Variants in MACROD2 observed in about 807,000 individuals in gnomAD.
MACROD2 encodes ADP-ribose glycohydrolase MACROD2.
MACROD2 carries 36 observed loss-of-function variants against 70.4 expected under a neutral mutation model. The observed-to-expected ratio is 0.51, with a 90% confidence interval of 0.39 to 0.68. MACROD2 has a LOEUF of 0.68. MACROD2 is among the 30% of genes least tolerant of loss of function. The pLI, the probability that MACROD2 is intolerant of heterozygous loss-of-function variation, is 0.00. For synonymous variants in MACROD2, 172 were observed against 178.8 expected, an observed-to-expected ratio of 0.96 and a Z score of 0.30; for missense variants, 496 against 538.4, an observed-to-expected ratio of 0.92 and a Z score of 0.78.
intron 4 of MACROD2, among the ~76,000 whole-genome samples, chr20:14,611,452 GTTTTTT>G (rs11473891): frequency 3.5e-5 from 4 of 113,392 alleles, no homozygotes; most frequent in Admixed American, 9.1e-5. Flanking sequence ...ATGCCCTGAG[GTTTTTT>G]TTTTTTTTTT....
chr20:15,847,795 A>G (rs993236052), intron 8 of MACROD2, among the ~76,000 whole-genome samples: 1 of 151,960 alleles, frequency 6.6e-6, no homozygotes, highest in African/African-American at 2.4e-5. Context: ...TTTAGTTGAC[A>G]TTTCTATGCC....
chr20:14,379,914 C>T (rs973144507), intron 3 of MACROD2, among the ~76,000 whole-genome samples: 2 of 152,164 alleles, frequency 1.3e-5, no homozygotes, highest in South Asian at 2.1e-4. Context: ...AATGTGGCAA[C>T]GCACATTATT....
chr20:14,476,616 C>A (rs560637246), intron 3 of MACROD2, among the ~76,000 whole-genome samples: 1 of 152,296 alleles, frequency 6.6e-6, no homozygotes, highest in African/African-American at 2.4e-5. Context: ...CTCAGCCTCC[C>A]AAAGTGTTGG....
chr20:15,880,242 C>T (rs571381959), intron 9 of MACROD2, among the ~76,000 whole-genome samples: 17 of 152,060 alleles, frequency 1.1e-4, no homozygotes, highest in Non-Finnish European at 2.4e-4. Context: ...CAGAACAGAT[C>T]GGGTTAGTTG....
intron 3 of MACROD2, among the ~76,000 whole-genome samples, chr20:14,345,511 G>T (rs1239186527): frequency 4.1e-5 from 6 of 147,850 alleles, no homozygotes; most frequent in East Asian, 2.0e-4. Context: ...TTATTTGAAG[G>T]TTTTTTTTTT....
At chr20:14,474,359 T>G (rs1192815655) in intron 3 of MACROD2, among the ~76,000 whole-genome samples, 2 of 152,192 alleles carry the variant, frequency 1.3e-5, no homozygotes, top group Non-Finnish European at 2.9e-5. Flanking sequence ...TTTCAATTTT[T>G]AAAATTTTGT....
chr20:14,242,930 C>T (rs1031536757), intron 3 of MACROD2, among the ~76,000 whole-genome samples: 32 of 152,162 alleles, frequency 2.1e-4, no homozygotes, highest in Non-Finnish European at 2.9e-4. Context: ...GATACTATCA[C>T]GTAAAAGTAA....
chr20:14,372,035 C>T (rs532472619), intron 3 of MACROD2, among the ~76,000 whole-genome samples: 1 of 152,128 alleles, frequency 6.6e-6, no homozygotes, highest in Admixed American at 6.6e-5. Context: ...ATGTCTGTTT[C>T]CTTGACCACG....
intron 5 of MACROD2, among the ~76,000 whole-genome samples, chr20:15,011,326 G>A (rs2075080851): frequency 6.6e-6 from 1 of 152,158 alleles, no homozygotes; most frequent in South Asian, 2.1e-4. Context: ...TCGGGGTGGG[G>A]TAAGAAATAC....
intron 5 of MACROD2, among the ~76,000 whole-genome samples, chr20:15,109,890 C>T (rs567819611): frequency 3.3e-5 from 5 of 151,840 alleles, no homozygotes; most frequent in African/African-American, 7.2e-5. Context: ...AAAGCCTTCT[C>T]GTTCTCTGGG....
At chr20:15,430,273 AAAT>A (rs2046348177) in intron 6 of MACROD2, among the ~76,000 whole-genome samples, 1 of 147,068 alleles carries the variant, frequency 6.8e-6, no homozygotes, top group Non-Finnish European at 1.5e-5. Flanking sequence ...GTTTTTAAAA[AAAT>A]AATAATTTCT....
At chr20:15,139,493 T>A (rs1367206241) in intron 5 of MACROD2, among the ~76,000 whole-genome samples, 1 of 152,162 alleles carries the variant, frequency 6.6e-6, no homozygotes, top group East Asian at 1.9e-4. Context: ...CATGCGTAAC[T>A]GCTTTATTGC....
chr20:15,615,511 A>G (rs1252381942), intron 8 of MACROD2, among the ~76,000 whole-genome samples: 1 of 152,130 alleles, frequency 6.6e-6, no homozygotes, highest in African/African-American at 2.4e-5. Flanking sequence ...GGATGTGTCC[A>G]TGGAGATTTC....
intron 7 of MACROD2, among the ~76,000 whole-genome samples, chr20:15,474,459 TGGA>T (rs1389215585): frequency 6.6e-6 from 1 of 152,210 alleles, no homozygotes; most frequent in African/African-American, 2.4e-5. Context: ...CACTCTACAG[TGGA>T]GATCTTCTCT....
chr20:15,713,408 G>A (rs1347531047), intron 8 of MACROD2, among the ~76,000 whole-genome samples: 3 of 152,140 alleles, frequency 2.0e-5, no homozygotes, highest in African/African-American at 7.2e-5. Flanking sequence ...TAATTTATAA[G>A]AAAAAGAAGT....
At chr20:14,050,218 A>G (rs1014946261) in intron 2 of MACROD2, among the ~76,000 whole-genome samples, 2 of 152,114 alleles carry the variant, frequency 1.3e-5, no homozygotes, top group African/African-American at 2.4e-5. Flanking sequence ...TCTATTCTGC[A>G]TATGATGATT....
chr20:15,086,436 C>G (rs1395332036), intron 5 of MACROD2, among the ~76,000 whole-genome samples: 5 of 152,136 alleles, frequency 3.3e-5, no homozygotes, highest in Admixed American at 1.3e-4. Context: ...AACTAAGGGT[C>G]TTTATCAGAT....
At chr20:15,933,407 A>G (rs1425547491) in intron 11 of MACROD2, 69 bp downstream of exon 11, 1 of 1,407,346 alleles carries the variant, frequency 7.1e-7, no homozygotes. Flanking sequence ...ACTTCACTCA[A>G]TGCTATTGTC....
intron 3 of MACROD2, among the ~76,000 whole-genome samples, chr20:14,341,095 G>T (rs1366029852): frequency 2.0e-5 from 3 of 152,140 alleles, no homozygotes; most frequent in Non-Finnish European, 4.4e-5. Context: ...CTAGAGTTAA[G>T]CTACCTCATT....
Sources: gnomAD v4.1 joint callset for allele counts (sites outside exome capture counted in the v4.1 genomes callset) on GRCh38, gnomAD v4.1.1 for gene constraint, MANE v1.5 for transcripts, NCBI Gene and HGNC (gene_info 2026-07-23, HGNC 2026-07-21) for gene names.